Variants in REV3L observed in about 807,000 individuals in gnomAD.
The protein encoded by REV3L is DNA polymerase zeta catalytic subunit.
In REV3L, 69 loss-of-function variants were observed where a neutral mutation model predicts 299.4. That is an observed-to-expected ratio of 0.23 (90% CI 0.19 to 0.28). The LOEUF is 0.28. Ranked by LOEUF, REV3L falls within the 10% of genes least tolerant of loss-of-function variation. The pLI, the probability that REV3L is intolerant of heterozygous loss-of-function variation, is 1.00. For synonymous variants in REV3L, 1,238 were observed against 1,271.4 expected, an observed-to-expected ratio of 0.97 and a Z score of 0.56; for missense variants, 3,128 against 3,693.8, an observed-to-expected ratio of 0.85 and a Z score of 3.97.
chr6:111,318,906 T>C (rs1277214279), intron 26 of REV3L, among the ~76,000 whole-genome samples: 1 of 152,148 alleles, frequency 6.6e-6, no homozygotes, highest in Middle Eastern at 3.2e-3. Flanking sequence ...TGTACGGTTT[T>C]ATAATAGGCA....
intron 1 of REV3L, among the ~76,000 whole-genome samples, chr6:111,470,084 C>A (rs1791995416): frequency 6.6e-6 from 1 of 151,838 alleles, no homozygotes; most frequent in African/African-American, 2.4e-5. Context: ...TACATTAATT[C>A]AGTCCAAATA....
intron 26 of REV3L, among the ~76,000 whole-genome samples, chr6:111,321,605 G>A (rs1774199656): frequency 2.0e-5 from 3 of 152,232 alleles, no homozygotes; most frequent in Admixed American, 1.3e-4. Flanking sequence ...TATCCCCACC[G>A]GCTGGTAATG....
intron 3 of REV3L, among the ~76,000 whole-genome samples, chr6:111,408,366 C>A (rs1363031763): frequency 6.6e-6 from 1 of 151,956 alleles, no homozygotes; most frequent in Non-Finnish European, 1.5e-5. Flanking sequence ...ACTTTGGGAG[C>A]CTGAGGTGGG....
chr6:111,380,103 A>T lies in REV3L; in HGVS notation c.1333T>A (p.Tyr445Asn), dbSNP rs1171265977. 1 of 1,613,544 alleles carries T rather than the reference A, an allele frequency of 6.2e-7. No individual in the cohort carries two copies. Among genetic ancestry groups the T allele is most frequent in the East Asian group, 2.2e-5 (1 of 44,850 alleles). ...SPCRSFGNNK[Y>N]PQNSDDEENE... ...TCTTCATCATCACTATTTTGTGGAT[A>T]TTTATTATTTCCAAAGGAGCGACAT... Residue 445 changes from tyrosine to asparagine, a missense_variant, in exon 11 of 32, where the codon TAT becomes AAT. This residue lies in a region of REV3L where 2,409 missense variants were observed against 2,611.8 expected (regional missense o/e 0.92). Coordinates refer to ENST00000368802, the MANE Select transcript of REV3L (RefSeq NM_001372078.1).
chr6:111,472,059 T>G (rs1477263678), intron 1 of REV3L: 4 of 1,231,970 alleles, frequency 3.2e-6, no homozygotes, highest in Non-Finnish European at 4.2e-6. Context: ...CTCAGATATA[T>G]TATTCCATAG....
chr6:111,374,733 G>A lies in REV3L; in HGVS notation c.3622C>T (p.Pro1208Ser), dbSNP rs1780126688. ...TCATTTGTTTTTTGTTTTGCTCTTGGTTTCTTTTTTCCATCATCTACTAGT... is the reference window on the plus strand; with the variant it reads ...TCATTTGTTTTTTGTTTTGCTCTTGATTTCTTTTTTCCATCATCTACTAGT... ...NKLVDDGKKKPRAKQKTNEKG... is the reference protein window; with the variant it reads ...NKLVDDGKKKSRAKQKTNEKG... Residue 1208 changes from proline to serine, a missense_variant, in exon 13 of 32, where the codon CCA becomes TCA. Coordinates refer to ENST00000368802, the MANE Select transcript of REV3L (RefSeq NM_001372078.1). The A allele has an allele frequency of 6.2e-7, 1 of 1,612,602 alleles. No individual in the cohort carries two copies. Among genetic ancestry groups the A allele is most frequent in the East Asian group, 2.2e-5 (1 of 44,864 alleles).
At chr6:111,451,315 T>C (rs1355807624) in intron 1 of REV3L, among the ~76,000 whole-genome samples, 1 of 152,204 alleles carries the variant, frequency 6.6e-6, no homozygotes, top group African/African-American at 2.4e-5. Context: ...TATAAATCTG[T>C]CACTTTCCCA....
intron 25 of REV3L, among the ~76,000 whole-genome samples, chr6:111,324,893 A>G (rs545242846): frequency 1.3e-4 from 19 of 149,698 alleles, no homozygotes; most frequent in East Asian, 3.9e-4. Flanking sequence ...ATGGAGTCTC[A>G]CTCTGTCGCC....
rs1052986267 is a variant in REV3L, at chr6:111,299,873, C to G, written c.*143G>C. 1.5e-6 allele frequency: 1 copy of G among 684,574 alleles called. No homozygotes were observed. Among genetic ancestry groups the G allele is most frequent in the African/African-American group, 1.8e-5 (1 of 54,112 alleles). The allele number at this position is 684,574 out of a possible 1,614,324, so 42.4% of individuals were successfully genotyped here. The stretch of plus-strand genomic sequence containing the variant: ...AGAGATCAACAAGTACATTTTAATT[C>G]GGTTAGCATAGAAGTCTTCATAGTC... On this transcript the variant is annotated 3_prime_UTR_variant, in exon 32 of 32. Transcript: ENST00000368802.
chr6:111,461,774 A>G (rs995336777), intron 1 of REV3L, among the ~76,000 whole-genome samples: 3 of 152,100 alleles, frequency 2.0e-5, no homozygotes, highest in African/African-American at 4.8e-5. Flanking sequence ...CAAATTTCAG[A>G]AAGAGGTATA....
chr6:111,466,200 A>G (rs1372990380), intron 1 of REV3L, among the ~76,000 whole-genome samples: 6 of 152,150 alleles, frequency 3.9e-5, no homozygotes, highest in African/African-American at 1.2e-4. Flanking sequence ...AAGTATTGGG[A>G]AAAAAACCTG....
At chr6:111,364,301 T>A (rs564446998) in intron 15 of REV3L, among the ~76,000 whole-genome samples, 13 of 121,678 alleles carry the variant, frequency 1.1e-4, no homozygotes, top group African/African-American at 3.3e-4. Flanking sequence ...TTCTTGGAAG[T>A]AAGAAAGACA....
chr6:111,301,170 T>C (rs1424517990), intron 31 of REV3L, among the ~76,000 whole-genome samples: 1 of 152,188 alleles, frequency 6.6e-6, no homozygotes, highest in Non-Finnish European at 1.5e-5. Flanking sequence ...CCAGGCTTGC[T>C]AGGATTAGGA....
chr6:111,432,463 C>T (rs9487642), intron 1 of REV3L, among the ~76,000 whole-genome samples: 5,600 of 152,164 alleles, frequency 0.037, 358 homozygotes, highest in African/African-American at 0.13. Flanking sequence ...CAAAGAGGGT[C>T]ACTATGTATT....
intron 25 of REV3L, among the ~76,000 whole-genome samples, chr6:111,328,006 T>C (rs1775017160): frequency 6.6e-6 from 1 of 152,196 alleles, no homozygotes; most frequent in Non-Finnish European, 1.5e-5. Flanking sequence ...TGACCTTCAT[T>C]TGGCATGAAA....
intron 2 of REV3L, among the ~76,000 whole-genome samples, chr6:111,414,570 A>T (rs983015944): frequency 2.0e-5 from 3 of 152,316 alleles, no homozygotes; most frequent in African/African-American, 7.2e-5. Context: ...AGGAAATTCA[A>T]TTAAAATGAT....
intron 1 of REV3L, among the ~76,000 whole-genome samples, chr6:111,451,783 A>G (rs1439758461): frequency 2.0e-5 from 3 of 151,972 alleles, no homozygotes; most frequent in African/African-American, 4.8e-5. Context: ...AAAACAGAAA[A>G]CATTTGATAT....
At chr6:111,475,481 T>TATAA (rs1234053479) in intron 1 of REV3L, among the ~76,000 whole-genome samples, 4 of 152,238 alleles carry the variant, frequency 2.6e-5, no homozygotes. Context: ...ACCAGCAATG[T>TATAA]ATAAGGCTGA....
chr6:111,431,549 G>A (rs1303395308), intron 1 of REV3L: 2 of 801,334 alleles, frequency 2.5e-6, no homozygotes, highest in Non-Finnish European at 4.4e-6. Context: ...AACATGATCT[G>A]TCTCTTGGGT....
Sources: allele counts gnomAD v4.1 joint callset (sites outside exome capture counted in the v4.1 genomes callset), GRCh38; gene constraint gnomAD v4.1.1; regional missense constraint gnomAD v4.1.1; transcripts MANE v1.5; gene names NCBI Gene and HGNC (gene_info 2026-07-23, HGNC 2026-07-21).